EYS: variants seen among roughly 807,000 people sequenced by gnomAD.
The protein encoded by EYS is EGF-like photoreceptor maintenance factor.
Under a neutral mutation model 282.1 loss-of-function variants are expected in EYS, and 250 were observed. That is an observed-to-expected ratio of 0.89 (90% CI 0.80 to 0.98). The LOEUF (loss-of-function observed/expected upper bound fraction) is 0.98. EYS is among the 50% of genes least tolerant of loss of function. The probability of loss-of-function intolerance (pLI) is 0.00; values close to 1 mark genes in which losing one functional copy is unlikely to be tolerated. For synonymous variants in EYS, 1,355 were observed against 1,282.9 expected (o/e 1.06, Z -1.20); for missense variants, 4,016 against 3,709.0 (o/e 1.08, Z -2.15).
In EYS at chr6:65,291,117, A is replaced by G. The variant is rs149858844; in HGVS notation, c.2023+4746T>C. Among the ~76,000 whole-genome samples the G allele has an allele frequency of 3.6e-3, 540 of 151,728 alleles. 8 individuals carry two copies. The highest frequency in any genetic ancestry group is 0.012 in the African/African-American group (513 of 41,488). On this transcript the variant is annotated intron_variant, in intron 12 of 42. Transcript: ENST00000503581. ...ATAAGAAAAGTTGTATCTTTAAATT[A>G]TAAAGCACTACAGCAACTAAGTAAG...
intron 12 of EYS, among the ~76,000 whole-genome samples, chr6:65,068,156 A>C (rs1773800452): frequency 6.6e-6 from 1 of 152,136 alleles, no homozygotes; most frequent in Admixed American, 6.6e-5. Flanking sequence ...TTTCAAACCT[A>C]TTTCTGTCAT....
chr6:64,800,605 A>G (rs1020975721), intron 22 of EYS, among the ~76,000 whole-genome samples: 1 of 150,832 alleles, frequency 6.6e-6, no homozygotes, highest in African/African-American at 2.4e-5. Context: ...CTGCTTATTT[A>G]ACTCTTTAGA....
At chr6:63,724,695 A>G (rs1017655505) in intron 42 of EYS, among the ~76,000 whole-genome samples, 6 of 152,156 alleles carry the variant, frequency 3.9e-5, no homozygotes, top group Non-Finnish European at 7.4e-5. Flanking sequence ...ATAATTTTCA[A>G]GTTATCATTT....
chr6:64,835,524 C>T (rs12528360), intron 19 of EYS, among the ~76,000 whole-genome samples: 2,357 of 151,684 alleles, frequency 0.016, 162 homozygotes, highest in Admixed American at 0.14. Flanking sequence ...GATGACAATA[C>T]AATTATTTCA....
intron 12 of EYS, among the ~76,000 whole-genome samples, chr6:65,065,343 C>A (rs1213302127): frequency 2.6e-5 from 4 of 151,428 alleles, no homozygotes; most frequent in Admixed American, 6.6e-5. Context: ...AAAAACAAAT[C>A]AAAGGATTTA....
intron 2 of EYS, among the ~76,000 whole-genome samples, chr6:65,557,597 G>C (rs1229542518): frequency 1.3e-5 from 2 of 152,138 alleles, no homozygotes; most frequent in Non-Finnish European, 2.9e-5. Flanking sequence ...TGAGGTCTGG[G>C]CTCCCAGAAC....
intron 31 of EYS, among the ~76,000 whole-genome samples, chr6:64,094,216 C>A (rs1772491036): frequency 6.6e-6 from 1 of 152,044 alleles, no homozygotes; most frequent in Admixed American, 6.6e-5. Context: ...CTAAAATTCT[C>A]TTTTTTGGTT....
intron 15 of EYS, among the ~76,000 whole-genome samples, chr6:64,932,544 T>C (rs1448246348): frequency 6.6e-6 from 1 of 151,954 alleles, no homozygotes; most frequent in Admixed American, 6.6e-5. Flanking sequence ...CTTTGAAAGC[T>C]AGAAAAAATC....
At chr6:63,752,933 G>A (rs192336701) in intron 41 of EYS, among the ~76,000 whole-genome samples, 5 of 151,740 alleles carry the variant, frequency 3.3e-5, no homozygotes, top group Admixed American at 3.3e-4. Context: ...GTTATATTTT[G>A]CTTAGACTTC....
At chr6:63,802,878 A>G (rs1770814939) in intron 37 of EYS, among the ~76,000 whole-genome samples, 1 of 152,204 alleles carries the variant, frequency 6.6e-6, no homozygotes, top group Non-Finnish European at 1.5e-5. Flanking sequence ...CAGTTTATCA[A>G]TCTGTTATCT....
intron 26 of EYS, among the ~76,000 whole-genome samples, chr6:64,520,879 G>A (rs984842149): frequency 3.3e-5 from 5 of 151,678 alleles, no homozygotes; most frequent in Admixed American, 6.6e-5. Flanking sequence ...GAGAAGCCAC[G>A]AGGTAAGAAA....
chr6:65,615,840 G>C (rs2046835), intron 2 of EYS, among the ~76,000 whole-genome samples: 1 of 151,844 alleles, frequency 6.6e-6, no homozygotes, highest in Non-Finnish European at 1.5e-5. Flanking sequence ...AGGCTGAGGC[G>C]AGAGAATGGC....
chr6:64,355,077 A>AG (rs1771779203), intron 29 of EYS, among the ~76,000 whole-genome samples: 8 of 151,628 alleles, frequency 5.3e-5, no homozygotes, highest in Non-Finnish European at 1.0e-4. Flanking sequence ...GTCTTTCACT[A>AG]AGTAAAAATA....
At chr6:65,476,064 TA>T (rs958486610) in intron 5 of EYS, among the ~76,000 whole-genome samples, 11 of 151,322 alleles carry the variant, frequency 7.3e-5, no homozygotes, top group African/African-American at 2.2e-4. Context: ...ACTCTCTTAT[TA>T]AAAAAAAATT....
At chr6:64,416,307 G>T (rs188497741) in intron 28 of EYS, among the ~76,000 whole-genome samples, 2 of 152,176 alleles carry the variant, frequency 1.3e-5, no homozygotes, top group East Asian at 3.9e-4. Context: ...CCTAAACTCA[G>T]ATATAAAATT....
chr6:64,726,392 T>C (rs1222698166), intron 22 of EYS, among the ~76,000 whole-genome samples: 1 of 152,188 alleles, frequency 6.6e-6, no homozygotes, highest in Non-Finnish European at 1.5e-5. Flanking sequence ...TAAATATTTA[T>C]TGAATCAAGT....
At chr6:63,728,000 A>AG (rs1289174477) in intron 41 of EYS, among the ~76,000 whole-genome samples, 3 of 151,530 alleles carry the variant, frequency 2.0e-5, no homozygotes, top group Admixed American at 2.0e-4. Context: ...TTTCTGACAT[A>AG]GGGGTTCCTT....
intron 2 of EYS, among the ~76,000 whole-genome samples, chr6:65,580,654 T>A (rs1764835298): frequency 6.6e-6 from 1 of 152,114 alleles, no homozygotes; most frequent in Non-Finnish European, 1.5e-5. Context: ...GTCATAGATC[T>A]GTATAAAAAT....
At chr6:64,691,531 C>T (rs2149915119) in intron 22 of EYS, among the ~76,000 whole-genome samples, 1 of 152,212 alleles carries the variant, frequency 6.6e-6, no homozygotes, top group South Asian at 2.1e-4. Flanking sequence ...CTTTAAGATA[C>T]AGCAGTTACA....
Sources: gnomAD v4.1 joint callset for allele counts (sites outside exome capture counted in the v4.1 genomes callset) on GRCh38, gnomAD v4.1.1 for gene constraint, MANE v1.5 for transcripts, NCBI Gene and HGNC (gene_info 2026-07-23, HGNC 2026-07-21) for gene names.